The following FLRT2 variants were observed in gnomAD, a reference collection of about 807,000 sequenced individuals.
FLRT2 encodes the protein fibronectin leucine rich transmembrane protein 2.
A neutral mutation model predicts 40.0 loss-of-function variants in FLRT2; 15 were observed. The ratio of observed to expected loss-of-function variants is 0.38; its 90% confidence interval spans 0.25 to 0.58. FLRT2 has a LOEUF of 0.58. Ranked by LOEUF, FLRT2 falls within the 20% of genes least tolerant of loss-of-function variation. The pLI, the probability that FLRT2 is intolerant of heterozygous loss-of-function variation, is 0.71. For synonymous variants in FLRT2, 380 were observed against 336.8 expected, an observed-to-expected ratio of 1.13 and a Z score of -1.41; for missense variants, 726 against 840.0, an observed-to-expected ratio of 0.86 and a Z score of 1.68.
At chr14:85,571,172 C>T (rs1024488964) in intron 1 of FLRT2, among the ~76,000 whole-genome samples, 2 of 152,126 alleles carry the variant, frequency 1.3e-5, no homozygotes. Flanking sequence ...TGGATGATAT[C>T]TGTGAATGTG....
chr14:85,621,465 T>G lies in FLRT2; in HGVS notation c.-50T>G. The G allele has an allele frequency of 6.7e-7, 1 of 1,499,830 alleles. No homozygotes were observed. The highest frequency in any genetic ancestry group is 1.4e-5 in the African/African-American group (1 of 71,210). The allele number at this position is 1,499,830 out of a possible 1,614,324, so 92.9% of individuals were successfully genotyped here. On this transcript the variant is annotated 5_prime_UTR_variant, in exon 2 of 2. Transcript: ENST00000330753. ...TTTTGATTTTGCTGTTTATTTTTTT[T>G]TTCTTTTTCTTTTTCCCACCACATT...
At chr14:85,551,780 G>A (rs1668510894) in intron 1 of FLRT2, 1 of 152,104 alleles carries the variant, frequency 6.6e-6, no homozygotes, top group Admixed American at 6.5e-5. Context: ...GAAACTTGAA[G>A]GTGAGAACCA....
chr14:85,531,728 C>T (rs1014410965), intron 1 of FLRT2, among the ~76,000 whole-genome samples: 14 of 152,180 alleles, frequency 9.2e-5, no homozygotes, highest in Non-Finnish European at 1.0e-4. Context: ...CGCGCTCCCT[C>T]CTCCCCGGGA....
chr14:85,647,213 CCTTT>C lies in FLRT2; in HGVS notation c.*23719_*23722del, dbSNP rs1210424282. On this transcript the variant is annotated 3_prime_UTR_variant, in exon 2 of 2. Coordinates refer to ENST00000330753, the MANE Select transcript of FLRT2 (RefSeq NM_013231.6). ...GAATGTTAGGCATATTTTGGTCTTT[CCTTT>C]CTATCTATGTTTAGTATGCACAAGA... The C allele has an allele frequency of 6.6e-6, 1 of 152,020 alleles. No homozygotes were observed. The highest frequency in any genetic ancestry group is 1.5e-5 in the Non-Finnish European group (1 of 68,014). The allele number at this position is 152,020 out of a possible 1,614,324, so 9.4% of individuals were successfully genotyped here.
intron 1 of FLRT2, among the ~76,000 whole-genome samples, chr14:85,553,229 GTT>G (rs1342510732): frequency 2.0e-5 from 3 of 152,130 alleles, no homozygotes; most frequent in Non-Finnish European, 4.4e-5. Flanking sequence ...CAGCATTAAG[GTT>G]TATTGGCCAC....
At position 85,644,529 on chromosome 14, in the gene FLRT2, C is replaced by A; in HGVS notation, c.*21032C>A. ...AGAAACTCAGTAATTCACATGCATT[C>A]AAGAAGGTAGAAGAAAATTCTCACT... On this transcript the variant is annotated 3_prime_UTR_variant, in exon 2 of 2. Coordinates refer to ENST00000330753, the MANE Select transcript of FLRT2 (RefSeq NM_013231.6). 6.6e-6 allele frequency: 1 copy of A among 152,220 alleles called. No individual in the cohort carries two copies. The allele number at this position is 152,220 out of a possible 1,614,324, so 9.4% of individuals were successfully genotyped here.
intron 1 of FLRT2, among the ~76,000 whole-genome samples, chr14:85,567,598 G>A (rs976700359): frequency 3.3e-5 from 5 of 151,470 alleles, no homozygotes; most frequent in Non-Finnish European, 4.4e-5. Flanking sequence ...ATTGTGAAAG[G>A]CTTAGAAGAG....
At chr14:85,555,470 A>C (rs2139833201) in intron 1 of FLRT2, among the ~76,000 whole-genome samples, 1 of 152,270 alleles carries the variant, frequency 6.6e-6, no homozygotes, top group African/African-American at 2.4e-5. Flanking sequence ...AACTAAGCAA[A>C]AGGGGTTTCC....
chr14:85,584,651 G>C (rs574403834), intron 1 of FLRT2, among the ~76,000 whole-genome samples: 1 of 152,344 alleles, frequency 6.6e-6, no homozygotes, highest in East Asian at 1.9e-4. Context: ...GGGCTGAGCA[G>C]AGAATCGCTT....
intron 1 of FLRT2, among the ~76,000 whole-genome samples, chr14:85,537,205 G>T (rs1243354359): frequency 3.3e-5 from 5 of 152,126 alleles, no homozygotes; most frequent in African/African-American, 1.2e-4. Flanking sequence ...AGGGTTTTCA[G>T]ATAGAAATTT....
intron 1 of FLRT2, among the ~76,000 whole-genome samples, chr14:85,592,280 C>G (rs61992730): frequency 1.3e-5 from 2 of 151,900 alleles, no homozygotes; most frequent in African/African-American, 4.8e-5. Flanking sequence ...CGTTACATCC[C>G]GAAAACCACA....
chr14:85,627,034 C>T lies in FLRT2; in HGVS notation c.*3537C>T, dbSNP rs1129671. Reference sequence around the variant, plus strand: ...GGGAATGGATGCTTCACTTGATCTCCGGACCTTGGCTGCAGAGGCCATCGC... The same window carrying T: ...GGGAATGGATGCTTCACTTGATCTCTGGACCTTGGCTGCAGAGGCCATCGC... On this transcript the variant is annotated 3_prime_UTR_variant, in exon 2 of 2. Transcript: ENST00000330753. The T allele has an allele frequency of 0.22, 36,267 of 167,030 alleles. 4,342 individuals are homozygous for T. The highest frequency in any genetic ancestry group is 0.28 in the Middle Eastern group (83 of 296). The allele number at this position is 167,030 out of a possible 1,614,324, so 10.3% of individuals were successfully genotyped here. A position where few individuals can be genotyped will look rare whatever the true frequency, so the allele number is the denominator to read the frequency against.
intron 1 of FLRT2, among the ~76,000 whole-genome samples, chr14:85,588,029 T>G (rs1484207959): frequency 6.6e-6 from 1 of 152,076 alleles, no homozygotes; most frequent in Admixed American, 6.6e-5. Flanking sequence ...CCTCCCGGGT[T>G]CATGCCATTC....
At chr14:85,557,609 G>A (rs1054673401) in intron 1 of FLRT2, among the ~76,000 whole-genome samples, 1 of 152,104 alleles carries the variant, frequency 6.6e-6, no homozygotes, top group African/African-American at 2.4e-5. Flanking sequence ...TCAGGAGTTC[G>A]AGACCAGCCT....
intron 1 of FLRT2, among the ~76,000 whole-genome samples, chr14:85,556,871 A>G (rs551538606): frequency 2.6e-4 from 40 of 152,346 alleles, no homozygotes; most frequent in Admixed American, 5.9e-4. Flanking sequence ...GACTGGGAAG[A>G]AAAAGAGGTT....
chr14:85,570,157 G>A (rs1890819841), intron 1 of FLRT2, among the ~76,000 whole-genome samples: 1 of 152,076 alleles, frequency 6.6e-6, no homozygotes, highest in African/African-American at 2.4e-5. Flanking sequence ...TGTACCCTGG[G>A]CTCCTTTGAA....
In FLRT2 at chr14:85,623,395, T is replaced by C; in HGVS notation, c.1881T>C (p.Ile627=). The C allele has an allele frequency of 6.6e-7, 1 of 1,513,632 alleles. No homozygotes were observed. The highest frequency in any genetic ancestry group is 8.8e-7 in the Non-Finnish European group (1 of 1,134,034). The allele number at this position is 1,513,632 out of a possible 1,614,324, so 93.8% of individuals were successfully genotyped here. ...AAGGAGATTTCAGACTGCAGCCCATTTACACCCCAAATGGGGGCATTAATT... is the reference window on the plus strand; with the variant it reads ...AAGGAGATTTCAGACTGCAGCCCATCTACACCCCAAATGGGGGCATTAATT... The part of the protein sequence containing the change: ...LLKGDFRLQP[I]YTPNGGINYT... Residue 627 remains isoleucine (I), a synonymous_variant, in exon 2 of 2, where the codon ATT becomes ATC. Transcript: ENST00000330753.
intron 1 of FLRT2, among the ~76,000 whole-genome samples, chr14:85,600,858 G>A (rs1264628625): frequency 6.6e-6 from 1 of 152,066 alleles, no homozygotes; most frequent in African/African-American, 2.4e-5. Flanking sequence ...CCTGGTTGGG[G>A]GTCGAGTCTG....
rs71120531 is a variant in FLRT2 at position 85,633,633 on chromosome 14, T to TA, written c.*10153dup. On this transcript the variant is annotated 3_prime_UTR_variant, in exon 2 of 2. Coordinates refer to ENST00000330753, the MANE Select transcript of FLRT2 (RefSeq NM_013231.6). ...GGGCAATGCAGTGAGACCCTATCTCTAAAAAAAAAAAAAAAAATTAGCCAG... is the reference window on the plus strand; with the variant it reads ...GGGCAATGCAGTGAGACCCTATCTCTAAAAAAAAAAAAAAAAAATTAGCCAG... 0.22 allele frequency: 30,357 copies of TA among 138,416 alleles called. 3,576 individuals are homozygous for TA. The highest frequency in any genetic ancestry group is 0.28 in the Middle Eastern group (76 of 268). The allele number at this position is 138,416 out of a possible 1,614,324, so 8.6% of individuals were successfully genotyped here.
Sources: gnomAD v4.1 joint callset for allele counts (sites outside exome capture counted in the v4.1 genomes callset) on GRCh38, gnomAD v4.1.1 for gene constraint, MANE v1.5 for transcripts, NCBI Gene and HGNC (gene_info 2026-07-23, HGNC 2026-07-21) for gene names.